The following ZNF570 variants were observed in gnomAD, a reference collection of about 807,000 sequenced individuals.
ZNF570 encodes zinc finger protein 570.
ZNF570 carries 8 observed loss-of-function variants against 14.2 expected under a neutral mutation model. That is an observed-to-expected ratio of 0.56 (90% CI 0.33 to 1.02). The LOEUF (loss-of-function observed/expected upper bound fraction) is 1.02. Ranked by LOEUF, ZNF570 falls within the 50% of genes least tolerant of loss-of-function variation. The pLI is 0.03. For missense variants in ZNF570, 559 were observed against 624.9 expected, an observed-to-expected ratio of 0.89 and a Z score of 1.12; for synonymous variants, 202 against 207.6, an observed-to-expected ratio of 0.97 and a Z score of 0.23.
At chr19:37,476,222 A>C (rs1245462660) in intron 3 of ZNF570, 117 bp from the exon 4 acceptor site, 1 of 1,334,816 alleles carries the variant, frequency 7.5e-7, no homozygotes, top group Non-Finnish European at 1.0e-6. Flanking sequence ...TGTCCTTTAC[A>C]CATTTCTCTT....
chr19:37,475,857 G>T lies in ZNF570; in HGVS notation c.34-24G>T, dbSNP rs369346949. The stretch of plus-strand genomic sequence containing the variant: ...TGAGGTGAATATGGTAAGAGATAAG[G>T]TTCTTCCATTTATTTCATTTCAGGA... On this transcript the variant is annotated intron_variant, in intron 2 of 4. Coordinates refer to ENST00000330173, the MANE Select transcript of ZNF570 (RefSeq NM_144694.5). The T allele has an allele frequency of 4.4e-6, 7 of 1,603,368 alleles. No homozygotes were observed. In the African/African-American group the frequency reaches 8.0e-5, roughly 18 times the overall value.
upstream of ZNF570, chr19:37,468,866 A>G (rs1568759515): frequency 5.6e-6 from 1 of 179,432 alleles, no homozygotes; most frequent in Non-Finnish European, 1.1e-5. Flanking sequence ...ACCACCCTGC[A>G]TCCCCCCCAC....
rs901867380 is a variant in ZNF570 at position 37,487,546 on chromosome 19, A to G, written c.*2313A>G. 6.6e-6 allele frequency: 1 copy of G among 152,248 alleles called. No individual in the cohort carries two copies. Among genetic ancestry groups the G allele is most frequent in the African/African-American group, 2.4e-5 (1 of 41,470 alleles). The allele number at this position is 152,248 out of a possible 1,614,324, so 9.4% of individuals were successfully genotyped here. ...TGTAATTAATACTTAAATATAAAAC[A>G]GTAGATTTTCTAAACGCAGAAAACG... On this transcript the variant is annotated 3_prime_UTR_variant, in exon 5 of 5. Coordinates refer to ENST00000330173, the MANE Select transcript of ZNF570 (RefSeq NM_144694.5).
At chr19:37,478,527 ATACC>A (rs879607880) in intron 4 of ZNF570, among the ~76,000 whole-genome samples, 3,057 of 148,522 alleles carry the variant, frequency 0.021, 81 homozygotes, top group Non-Finnish European at 0.031. Context: ...TTCAATTCTT[ATACC>A]TTAATTTATT....
At chr19:37,469,669 G>A in intron 1 of ZNF570, 112 bp downstream of exon 1, 2 of 1,161,682 alleles carry the variant, frequency 1.7e-6, no homozygotes, top group South Asian at 1.4e-5. Context: ...AGTTGAGGCG[G>A]GAGCGGGCGA....
chr19:37,488,410 A>C lies in ZNF570; in HGVS notation c.*3177A>C, dbSNP rs2042178409. Reference sequence around the variant, plus strand: ...ATATAAAAAGGATCTAAAAGAATTAATAAAATAATCATCAGATTCAGAACA... The same window carrying C: ...ATATAAAAAGGATCTAAAAGAATTACTAAAATAATCATCAGATTCAGAACA... On this transcript the variant is annotated 3_prime_UTR_variant, in exon 5 of 5. Coordinates refer to ENST00000330173, the MANE Select transcript of ZNF570 (RefSeq NM_144694.5). 6.6e-6 allele frequency: 1 copy of C among 152,156 alleles called. No homozygotes were observed. The allele number at this position is 152,156 out of a possible 1,614,324, so 9.4% of individuals were successfully genotyped here.
upstream of ZNF570, among the ~76,000 whole-genome samples, chr19:37,468,613 T>C (rs2041893087): frequency 6.6e-6 from 1 of 152,146 alleles, no homozygotes; most frequent in Admixed American, 6.5e-5. Flanking sequence ...TCAGGCAATT[T>C]TTCTGCCTCA....
chr19:37,476,661 A>G (rs143609851), intron 4 of ZNF570, among the ~76,000 whole-genome samples: 130 of 151,052 alleles, frequency 8.6e-4, no homozygotes, highest in Middle Eastern at 3.5e-3. Flanking sequence ...TCTCAGTTTC[A>G]TAAGCCTCTC....
rs1395701832 is a variant in ZNF570 at position 37,486,077 on chromosome 19, T to C, written c.*844T>C. ...AGAAAAGAAGAGAAAAGAAAACACA[T>C]GTTACTATCTCCAGTTAAAACTTTT... On this transcript the variant is annotated 3_prime_UTR_variant, in exon 5 of 5. Transcript: ENST00000330173. 6.6e-6 allele frequency: 1 copy of C among 151,400 alleles called. No homozygotes were observed. The highest frequency in any genetic ancestry group is 1.5e-5 in the Non-Finnish European group (1 of 67,892). 9.4% of individuals were successfully genotyped at this position (151,400 alleles called of 1,614,324 possible).
intron 4 of ZNF570, among the ~76,000 whole-genome samples, chr19:37,476,670 T>TTTAAAG: frequency 6.6e-6 from 1 of 151,280 alleles, no homozygotes; most frequent in African/African-American, 2.4e-5. Context: ...CATAAGCCTC[T>TTTAAAG]CAGTCTTTAA....
Position 37,471,009 on chromosome 19 carries a change from A to ATTTTTTTTTTTTTTTTTT in ZNF570, c.33+625_33+642dup, listed in dbSNP as rs764609936. ...GCTACCATGCCTGGCCAGTGAGTAC[A>ATTTTTTTTTTTTTTTTTT]TTTTTTTTTTTTTTTTTTTTGTTGA... On this transcript the variant is annotated intron_variant, in intron 2 of 4. Coordinates refer to ENST00000330173, the MANE Select transcript of ZNF570 (RefSeq NM_144694.5). Among the ~76,000 whole-genome samples the ATTTTTTTTTTTTTTTTTT allele has an allele frequency of 5.0e-4, 42 of 84,388 alleles. 3 individuals carry two copies. Among genetic ancestry groups the ATTTTTTTTTTTTTTTTTT allele is most frequent in the African/African-American group, 1.4e-3 (25 of 17,362 alleles). The allele number at this position is 84,388 out of a possible 152,430, so 55.4% of individuals were successfully genotyped here.
intron 2 of ZNF570, among the ~76,000 whole-genome samples, chr19:37,470,689 T>C (rs895422114): frequency 1.5e-4 from 21 of 143,824 alleles, no homozygotes; most frequent in Non-Finnish European, 3.1e-4. Flanking sequence ...TACATTCTTA[T>C]TTATTCTTTT....
intron 2 of ZNF570, among the ~76,000 whole-genome samples, chr19:37,471,446 AT>A (rs1486767578): frequency 6.6e-6 from 1 of 152,080 alleles, no homozygotes. Flanking sequence ...ATTCATTCTA[AT>A]TTTTAGTAAG....
At chr19:37,477,261 T>C (rs2042036398) in intron 4 of ZNF570, among the ~76,000 whole-genome samples, 1 of 150,748 alleles carries the variant, frequency 6.6e-6, no homozygotes, top group Non-Finnish European at 1.5e-5. Context: ...TGATTTTTCC[T>C]AAGGTGCTCA....
chr19:37,475,928 A>T lies in ZNF570; in HGVS notation c.81A>T (p.Glu27Asp). ...TGGCTGTAGACTTCTCCCAAGAGGA[A>T]TGGGATTGTCTGGATTCTTCTCAAA... ...RDVAVDFSQE[E>D]WDCLDSSQRH... The change falls in exon 3 of 5, where the codon GAA becomes GAT. Residue 27 changes from glutamate (E) to aspartate (D), a missense_variant. By Grantham distance (45) the Glu-to-Asp change is conservative. Coordinates refer to ENST00000330173, the MANE Select transcript of ZNF570 (RefSeq NM_144694.5). 6.2e-7 allele frequency: 1 copy of T among 1,613,944 alleles called. No homozygotes were observed. The highest frequency in any genetic ancestry group is 8.5e-7 in the Non-Finnish European group (1 of 1,179,908).
rs753287874 is a variant in ZNF570 at position 37,485,051 on chromosome 19, A to G, written c.1429A>G (p.Lys477Glu). ...ACCTTATGAATGTACTGTTTGTGGA[A>G]AGGCTTTTAGTTACTGTGGATCCCT... is the stretch of plus-strand genomic sequence containing the variant. ...EKPYECTVCGKAFSYCGSLAQ... is the reference protein window; with the variant it reads ...EKPYECTVCGEAFSYCGSLAQ... Residue 477 changes from lysine to glutamate, a missense_variant, in exon 5 of 5, where the codon AAG becomes GAG. Physicochemically the swap from Lys to Glu is moderately conservative, Grantham distance 56. Transcript: ENST00000330173. The G allele has an allele frequency of 5.6e-6, 9 of 1,614,104 alleles. No homozygotes were observed. In the Admixed American group the frequency reaches 6.7e-5, roughly 12 times the overall value.
At chr19:37,469,589 C>T (rs1287414095) in intron 1 of ZNF570, 32 bp downstream of exon 1, 3 of 1,529,660 alleles carry the variant, frequency 2.0e-6, no homozygotes, top group Non-Finnish European at 2.6e-6. Context: ...GCTGTCACCC[C>T]GTGTGCCTGT....
chr19:37,478,342 T>TA (rs1269691571), intron 4 of ZNF570, among the ~76,000 whole-genome samples: 1 of 152,192 alleles, frequency 6.6e-6, no homozygotes, highest in East Asian at 1.9e-4. Context: ...GTTGCTGTGT[T>TA]AAATGTTATC....
chr19:37,487,250 A>G lies in ZNF570; in HGVS notation c.*2017A>G, dbSNP rs1324375315. The G allele has an allele frequency of 1.4e-5, 2 of 146,858 alleles. No individual in the cohort carries two copies. Among genetic ancestry groups the G allele is most frequent in the East Asian group, 4.2e-4 (2 of 4,796 alleles). The allele number at this position is 146,858 out of a possible 1,614,324, so 9.1% of individuals were successfully genotyped here. On this transcript the variant is annotated 3_prime_UTR_variant, in exon 5 of 5. Coordinates refer to ENST00000330173, the MANE Select transcript of ZNF570 (RefSeq NM_144694.5). ...AAAAGCACTACCCCCAGCTAATTGT[A>G]TGGTTAAATTCGGGTAATTTAGAAG... is the stretch of plus-strand genomic sequence containing the variant.
Sources: allele counts gnomAD v4.1 joint callset (sites outside exome capture counted in the v4.1 genomes callset), GRCh38; gene constraint gnomAD v4.1.1; transcripts MANE v1.5; gene names NCBI Gene and HGNC (gene_info 2026-07-23, HGNC 2026-07-21).